ABCC4: variants seen among roughly 807,000 people sequenced by gnomAD.
ABCC4 encodes the protein ATP binding cassette subfamily C member 4 (PEL blood group).
A neutral mutation model predicts 168.5 loss-of-function variants in ABCC4; 102 were observed. That is an observed-to-expected ratio of 0.61 (90% CI 0.52 to 0.71). The LOEUF is 0.71. Among genes scored for constraint, ABCC4 ranks in the 30% least tolerant of loss-of-function variants. The pLI is 0.00. For missense variants in ABCC4, 1,402 were observed against 1,605.8 expected, an observed-to-expected ratio of 0.87 and a Z score of 2.17; for synonymous variants, 617 against 590.7, an observed-to-expected ratio of 1.04 and a Z score of -0.65.
At chr13:95,167,768 C>T (rs1054332616) in intron 14 of ABCC4, among the ~76,000 whole-genome samples, 2 of 152,046 alleles carry the variant, frequency 1.3e-5, no homozygotes, top group Non-Finnish European at 2.9e-5. Flanking sequence ...GAGTGGGTTC[C>T]GAGGGGGAAC....
chr13:95,143,944 T>G (rs2036403037), intron 19 of ABCC4, among the ~76,000 whole-genome samples: 1 of 152,184 alleles, frequency 6.6e-6, no homozygotes, highest in African/African-American at 2.4e-5. Flanking sequence ...AAAAGCAAGT[T>G]TATGTAACAG....
At chr13:95,042,844 G>T (rs1182234547) in intron 29 of ABCC4, among the ~76,000 whole-genome samples, 1 of 152,180 alleles carries the variant, frequency 6.6e-6, no homozygotes, top group African/African-American at 2.4e-5. Flanking sequence ...ATAATAAAAG[G>T]AGTAGCTATC....
chr13:95,166,187 A>G lies in ABCC4; in HGVS notation c.2005T>C (p.Leu669=). Residue 669 remains leucine, a synonymous_variant, in exon 15 of 31, where the codon TTG becomes CTG. Transcript: ENST00000645237. ...TGGCTCTCCAGAGCACCATCTTTCA[A>G]GGAGGGTCTAGAAGATTGTTGAGAC... The part of the protein sequence containing the change: ...VWSQQSSRPS[L]KDGALESQDT... 1 of 1,614,128 alleles carries G rather than the reference A, an allele frequency of 6.2e-7. No homozygotes were observed. Among genetic ancestry groups the G allele is most frequent in the South Asian group, 1.1e-5 (1 of 91,080 alleles).
chr13:95,092,925 T>A (rs908207577), intron 20 of ABCC4, among the ~76,000 whole-genome samples: 5 of 152,000 alleles, frequency 3.3e-5, no homozygotes, highest in Admixed American at 3.3e-4. Context: ...TTTACACACA[T>A]AAACTAGAAA....
intron 29 of ABCC4, among the ~76,000 whole-genome samples, chr13:95,042,465 C>A (rs1489415571): frequency 6.6e-6 from 1 of 152,048 alleles, no homozygotes; most frequent in Non-Finnish European, 1.5e-5. Context: ...GTGGCTTTTA[C>A]TGCAAAGGAA....
intron 30 of ABCC4, among the ~76,000 whole-genome samples, chr13:95,029,054 G>C (rs1481540140): frequency 2.0e-5 from 3 of 151,514 alleles, no homozygotes; most frequent in Non-Finnish European, 4.4e-5. Context: ...TGTAATCCCA[G>C]CTACTCAGGA....
At chr13:95,123,048 C>T (rs113744972) in intron 19 of ABCC4, among the ~76,000 whole-genome samples, 1 of 152,294 alleles carries the variant, frequency 6.6e-6, no homozygotes, top group Non-Finnish European at 1.5e-5. Context: ...TGTGTTCTTC[C>T]ATTTTCTAAT....
rs546705399 is a variant in ABCC4 at position 95,049,662 on chromosome 13, A to T, written c.3456+3433T>A. Among the ~76,000 whole-genome samples the T allele has an allele frequency of 2.5e-3, 372 of 151,064 alleles. 1 individual carries two copies. The highest frequency in any genetic ancestry group is 7.7e-3 in the African/African-American group (318 of 41,234). On this transcript the variant is annotated intron_variant, in intron 27 of 30. Transcript: ENST00000645237. ...TCTCAAATAAATAAATAAATAAATA[A>T]AAATAAATAAATAAAAAAATAACCA...
intron 2 of ABCC4, 129 bp downstream of exon 2, chr13:95,247,514 G>A: frequency 1.5e-6 from 1 of 682,860 alleles, no homozygotes; most frequent in South Asian, 1.9e-5. Flanking sequence ...GGGGCAGCCT[G>A]AGGAAGGTGA....
chr13:95,281,007 C>G (rs573055752), intron 1 of ABCC4, among the ~76,000 whole-genome samples: 3 of 152,048 alleles, frequency 2.0e-5, no homozygotes, highest in South Asian at 4.2e-4. Flanking sequence ...ACAGAGCCAT[C>G]TCTTTTCTTT....
chr13:95,268,289 C>G (rs1169711104), intron 1 of ABCC4, among the ~76,000 whole-genome samples: 3 of 152,174 alleles, frequency 2.0e-5, no homozygotes. Context: ...TCCCTAATCT[C>G]AAGTACCCAG....
At chr13:95,191,373 C>A (rs2038246704) in intron 9 of ABCC4, among the ~76,000 whole-genome samples, 1 of 152,162 alleles carries the variant, frequency 6.6e-6, no homozygotes, top group African/African-American at 2.4e-5. Context: ...CGATCATGAT[C>A]CCTTTTAAGC....
intron 20 of ABCC4, 146 bp from the exon 21 acceptor site, chr13:95,083,436 A>G: frequency 2.2e-6 from 2 of 911,456 alleles, no homozygotes; most frequent in Non-Finnish European, 3.3e-6. Context: ...AGGAATAACA[A>G]AAGTATAGGT....
chr13:95,209,876 T>C (rs1045324200), intron 5 of ABCC4, among the ~76,000 whole-genome samples: 10 of 152,214 alleles, frequency 6.6e-5, no homozygotes, highest in Non-Finnish European at 1.2e-4. Context: ...GCTGAGCATT[T>C]TCCAGAACTC....
At chr13:95,095,921 G>A (rs997684793) in intron 20 of ABCC4, 11 of 378,376 alleles carry the variant, frequency 2.9e-5, no homozygotes, top group African/African-American at 2.3e-4. Flanking sequence ...GTACTCAATA[G>A]AAAAATTGTT....
intron 3 of ABCC4, among the ~76,000 whole-genome samples, chr13:95,241,474 C>T (rs564395287): frequency 7.2e-5 from 11 of 152,206 alleles, no homozygotes; most frequent in Admixed American, 3.9e-4. Context: ...GGAGAAGCTG[C>T]CTGTGTCCTG....
chr13:95,056,497 C>G (rs979875459), intron 26 of ABCC4, among the ~76,000 whole-genome samples: 3 of 152,104 alleles, frequency 2.0e-5, no homozygotes, highest in African/African-American at 2.4e-5. Context: ...AAAAAGGTCA[C>G]CAGCTCCAGG....
chr13:95,206,798 G>GT lies in ABCC4; in HGVS notation c.912-18dup, dbSNP rs1427094028. The GT allele has an allele frequency of 1.9e-6, 3 of 1,612,236 alleles. No individual in the cohort carries two copies. In the South Asian group the frequency reaches 3.3e-5, roughly 18 times the overall value. On this transcript the variant is annotated splice_polypyrimidine_tract_variant and intron_variant, in intron 7 of 30. Transcript: ENST00000645237. ...ATCTCCTTCCTGAAAGAGAGTACAG[G>GT]TTTTTAAAAAAGCAGTGATGTCAAC... is the stretch of plus-strand genomic sequence containing the variant.
Position 95,225,736 on chromosome 13 carries a change from G to A in ABCC4, c.531+8874C>T, listed in dbSNP as rs947303922. On this transcript the variant is annotated intron_variant, in intron 4 of 30. Coordinates refer to ENST00000645237, the MANE Select transcript of ABCC4 (RefSeq NM_005845.5). ...AGCACAAATGCTACTTTGAATTATGGCATTCTTTTTTAAATGCTAACAAAT... is the reference window on the plus strand; with the variant it reads ...AGCACAAATGCTACTTTGAATTATGACATTCTTTTTTAAATGCTAACAAAT... Among the ~76,000 whole-genome samples the A allele has an allele frequency of 2.0e-5, 3 of 151,672 alleles. No individual in the cohort carries two copies. In the East Asian group the frequency reaches 5.8e-4, roughly 29 times the overall value.
Sources: allele counts gnomAD v4.1 joint callset (sites outside exome capture counted in the v4.1 genomes callset), GRCh38; gene constraint gnomAD v4.1.1; transcripts MANE v1.5; gene names NCBI Gene and HGNC (gene_info 2026-07-23, HGNC 2026-07-21).